IL15: variants seen among roughly 807,000 people sequenced by gnomAD.
The protein encoded by IL15 is interleukin 15, also known as interleukin-15.
IL15 carries 11 observed loss-of-function variants against 19.6 expected under a neutral mutation model. The observed-to-expected ratio is 0.56, with a 90% CI of 0.35 to 0.93. The LOEUF (loss-of-function observed/expected upper bound fraction) is 0.93, where lower values mean the gene tolerates loss of function less well. IL15 is among the 40% of genes least tolerant of loss of function. IL15 has a pLI of 0.01. For missense variants in IL15, 197 were observed against 186.5 expected (o/e 1.06, Z -0.33); for synonymous variants, 58 against 59.6 (o/e 0.97, Z 0.12).
chr4:141,694,289 T>C (rs1378647750), intron 2 of IL15, among the ~76,000 whole-genome samples: 1 of 152,274 alleles, frequency 6.6e-6, no homozygotes, highest in South Asian at 2.1e-4. Context: ...CCTGAGAAAA[T>C]TACTGGACTA....
At chr4:141,687,862 C>A (rs1320630351) in intron 2 of IL15, among the ~76,000 whole-genome samples, 1 of 152,076 alleles carries the variant, frequency 6.6e-6, no homozygotes, top group Non-Finnish European at 1.5e-5. Context: ...ATGTTAAGAT[C>A]TAATCATATT....
At chr4:141,693,578 T>A (rs1728997785) in intron 2 of IL15, among the ~76,000 whole-genome samples, 1 of 152,266 alleles carries the variant, frequency 6.6e-6, no homozygotes, top group Non-Finnish European at 1.5e-5. Flanking sequence ...TTTCCATGAT[T>A]GTTTCTTTAA....
At chr4:141,705,200 T>C (rs1416597729) in intron 2 of IL15, among the ~76,000 whole-genome samples, 1 of 151,954 alleles carries the variant, frequency 6.6e-6, no homozygotes, top group Non-Finnish European at 1.5e-5. Context: ...TTCTTCTTTT[T>C]TGGTGTAGGC....
At chr4:141,698,716 A>G (rs569415262) in intron 2 of IL15, among the ~76,000 whole-genome samples, 15 of 152,000 alleles carry the variant, frequency 9.9e-5, no homozygotes, top group African/African-American at 3.1e-4. Context: ...GCTTAATTGA[A>G]TCGTCTCTCT....
chr4:141,721,215 C>A (rs1364738602), intron 4 of IL15: 1 of 820,620 alleles, frequency 1.2e-6, no homozygotes, highest in South Asian at 1.4e-5. Flanking sequence ...TGTTGACTAT[C>A]ATGCTTCTGT....
chr4:141,661,420 G>T (rs1422255999), intron 2 of IL15, among the ~76,000 whole-genome samples: 1 of 152,164 alleles, frequency 6.6e-6, no homozygotes, highest in Non-Finnish European at 1.5e-5. Context: ...AAATGCATTG[G>T]AAGGAAGGGG....
At chr4:141,724,239 C>T (rs1335457282) in intron 5 of IL15, among the ~76,000 whole-genome samples, 1 of 151,514 alleles carries the variant, frequency 6.6e-6, no homozygotes, top group Non-Finnish European at 1.5e-5. Context: ...AAGAGTAAAT[C>T]TCAAAGGATA....
At chr4:141,728,757 T>A (rs1280248073) in intron 6 of IL15, among the ~76,000 whole-genome samples, 1 of 152,034 alleles carries the variant, frequency 6.6e-6, no homozygotes, top group Non-Finnish European at 1.5e-5. Context: ...CACTAACCAA[T>A]TGGGTCATGC....
intron 2 of IL15, among the ~76,000 whole-genome samples, chr4:141,675,548 A>C (rs1179452815): frequency 2.0e-5 from 3 of 152,202 alleles, no homozygotes; most frequent in African/African-American, 4.8e-5. Flanking sequence ...GCAGTTCTCG[A>C]GTATTTGTTA....
At chr4:141,695,272 CTTTTTTTTTTTTTTTTT>C (rs34115620) in intron 2 of IL15, among the ~76,000 whole-genome samples, 2 of 62,564 alleles carry the variant, frequency 3.2e-5, no homozygotes, top group South Asian at 1.7e-3. Context: ...TCTATGATAC[CTTTTTTTTTTTTTTTTT>C]TTTTTTTTTT....
intron 2 of IL15, among the ~76,000 whole-genome samples, chr4:141,682,991 C>T (rs534718383): frequency 2.8e-4 from 42 of 152,088 alleles, no homozygotes; most frequent in Admixed American, 9.2e-4. Flanking sequence ...ACAATAGGGG[C>T]TGGGTGCGGT....
intron 2 of IL15, among the ~76,000 whole-genome samples, chr4:141,713,664 T>C (rs1298423557): frequency 6.6e-6 from 1 of 152,218 alleles, no homozygotes; most frequent in Non-Finnish European, 1.5e-5. Context: ...GCATATGGCC[T>C]TGCTTGGGTT....
At chr4:141,714,201 CT>C (rs1199234362) in intron 2 of IL15, among the ~76,000 whole-genome samples, 1 of 152,006 alleles carries the variant, frequency 6.6e-6, no homozygotes, top group Non-Finnish European at 1.5e-5. Context: ...AAACTTACAC[CT>C]ACCTACCAGC....
intron 2 of IL15, among the ~76,000 whole-genome samples, chr4:141,703,751 A>T (rs1208466679): frequency 6.6e-6 from 1 of 151,924 alleles, no homozygotes; most frequent in East Asian, 1.9e-4. Flanking sequence ...AAAAAAAAAA[A>T]AAAGGTGTAT....
chr4:141,646,625 TGTAACGACCAAGCTTATTCAG>T (rs1252217046), intron 1 of IL15, among the ~76,000 whole-genome samples: 1 of 152,108 alleles, frequency 6.6e-6, no homozygotes, highest in African/African-American at 2.4e-5. Flanking sequence ...CTATATATCA[TGTAACGACCAAGCTTATTCAG>T]GTACTTCCTC....
intron 7 of IL15, among the ~76,000 whole-genome samples, chr4:141,731,836 A>T (rs1428471028): frequency 6.6e-6 from 1 of 152,216 alleles, no homozygotes; most frequent in Non-Finnish European, 1.5e-5. Flanking sequence ...TTGCTGGCAC[A>T]GCCTTCATGG....
In IL15 at chr4:141,667,787, G is replaced by A. The variant is rs181877516; in HGVS notation, c.-100+11480G>A. ...GCGGGGTGTATTTATTTTTTTCTTG[G>A]TATCCTAATGTATATAATACTTTGA... On this transcript the variant is annotated intron_variant, in intron 2 of 7. Transcript: ENST00000320650. Among the ~76,000 whole-genome samples the A allele has an allele frequency of 4.7e-4, 72 of 151,908 alleles. 1 individual carries two copies. The highest frequency in any genetic ancestry group is 3.1e-4 in the Non-Finnish European group (21 of 67,964).
intron 1 of IL15, among the ~76,000 whole-genome samples, chr4:141,641,136 T>C (rs995839623): frequency 3.3e-5 from 5 of 152,214 alleles, no homozygotes; most frequent in African/African-American, 1.2e-4. Context: ...AATTATCAAA[T>C]GATTTTTTCT....
intron 2 of IL15, among the ~76,000 whole-genome samples, chr4:141,678,039 A>T (rs1279506163): frequency 6.6e-6 from 1 of 152,172 alleles, no homozygotes; most frequent in Non-Finnish European, 1.5e-5. Context: ...ATCTGTGGTG[A>T]TATGGAAACC....
Sources: gnomAD v4.1 joint callset for allele counts (sites outside exome capture counted in the v4.1 genomes callset) on GRCh38, gnomAD v4.1.1 for gene constraint, MANE v1.5 for transcripts, NCBI Gene and HGNC (gene_info 2026-07-23, HGNC 2026-07-21) for gene names.